The following STAM2 variants were observed in gnomAD, a reference collection of about 807,000 sequenced individuals.
The protein encoded by STAM2 is signal transducing adapter molecule 2.
Under a neutral mutation model 65.6 loss-of-function variants are expected in STAM2, and 51 were observed. The ratio of observed to expected loss-of-function variants is 0.78; its 90% CI spans 0.62 to 0.98. STAM2 has a LOEUF of 0.98. Among genes scored for constraint, STAM2 ranks in the 50% least tolerant of loss-of-function variants. STAM2 has a pLI of 0.00. For synonymous variants in STAM2, 198 were observed against 208.4 expected, an observed-to-expected ratio of 0.95 and a Z score of 0.43; for missense variants, 584 against 617.8, an observed-to-expected ratio of 0.95 and a Z score of 0.58.
At chr2:152,138,416 A>G (rs1451887684) in intron 7 of STAM2, among the ~76,000 whole-genome samples, 4 of 152,156 alleles carry the variant, frequency 2.6e-5, no homozygotes, top group Non-Finnish European at 5.9e-5. Context: ...AAAGCATACT[A>G]CTGAGTTTTG....
At chr2:152,150,042 T>C in intron 2 of STAM2, 103 bp downstream of exon 2, 1 of 767,618 alleles carries the variant, frequency 1.3e-6, no homozygotes, top group Non-Finnish European at 2.2e-6. Context: ...TGTTCAAGGG[T>C]CAACTGTGAT....
chr2:152,141,468 G>A (rs1689245759), intron 7 of STAM2, among the ~76,000 whole-genome samples: 2 of 147,834 alleles, frequency 1.4e-5, no homozygotes, highest in African/African-American at 2.5e-5. Flanking sequence ...CAGGGGGCGG[G>A]GGTTGCAGTG....
chr2:152,165,462 C>T (rs1689759716), intron 1 of STAM2, among the ~76,000 whole-genome samples: 2 of 151,870 alleles, frequency 1.3e-5, no homozygotes, highest in South Asian at 4.2e-4. Context: ...CAGCCACTAA[C>T]ATGCCAAAAA....
chr2:152,122,349 C>T (rs573362594), intron 13 of STAM2, among the ~76,000 whole-genome samples: 5 of 151,968 alleles, frequency 3.3e-5, no homozygotes, highest in East Asian at 3.9e-4. Context: ...CCCTTAAGCC[C>T]GGGAGTTGGA....
At chr2:152,138,218 C>T (rs1689189261) in intron 7 of STAM2, among the ~76,000 whole-genome samples, 1 of 152,102 alleles carries the variant, frequency 6.6e-6, no homozygotes, top group Non-Finnish European at 1.5e-5. Flanking sequence ...CCTCCATTTA[C>T]ATTTATGTAA....
In STAM2 at chr2:152,118,571, A is replaced by C. The variant is rs1439883176; in HGVS notation, c.*2003T>G. 6.6e-6 allele frequency: 1 copy of C among 151,560 alleles called. No individual in the cohort carries two copies. The highest frequency in any genetic ancestry group is 1.5e-5 in the Non-Finnish European group (1 of 67,844). The allele number at this position is 151,560 out of a possible 1,614,324, so 9.4% of individuals were successfully genotyped here. On this transcript the variant is annotated 3_prime_UTR_variant, in exon 14 of 14. Transcript: ENST00000263904. ...AAGACATGCTGAATTAAACTTTTAT[A>C]ATTGAGATCACAATTATACATGAAA...
chr2:152,145,097 G>T, intron 5 of STAM2, 140 bp from the exon 6 acceptor site: 2 of 682,410 alleles, frequency 2.9e-6, no homozygotes, highest in Non-Finnish European at 5.1e-6. Flanking sequence ...TTTGAGACAG[G>T]GTCTCATTCT....
intron 1 of STAM2, among the ~76,000 whole-genome samples, chr2:152,173,016 T>C (rs1689924465): frequency 6.6e-6 from 1 of 152,064 alleles, no homozygotes. Context: ...TTCTTGTATA[T>C]TTGTAGCACT....
intron 1 of STAM2, among the ~76,000 whole-genome samples, chr2:152,156,798 C>G (rs530468533): frequency 6.6e-6 from 1 of 152,246 alleles, no homozygotes; most frequent in South Asian, 2.1e-4. Flanking sequence ...AACAACTTAA[C>G]TACATAAAAT....
In STAM2 at chr2:152,117,814, C is replaced by T. The variant is rs1359835394; in HGVS notation, c.*2760G>A. 6.6e-6 allele frequency: 1 copy of T among 151,968 alleles called. No individual in the cohort carries two copies. Among genetic ancestry groups the T allele is most frequent in the Non-Finnish European group, 1.5e-5 (1 of 67,996 alleles). 9.4% of individuals were successfully genotyped at this position (151,968 alleles called of 1,614,324 possible). A position where few individuals can be genotyped will look rare whatever the true frequency, so the allele number is the denominator to read the frequency against. Reference sequence around the variant, plus strand: ...TTAAATTTTGAAAGTGAAATTATAACCATCTTCAAAACATACAGTAAAATG... The same window carrying T: ...TTAAATTTTGAAAGTGAAATTATAATCATCTTCAAAACATACAGTAAAATG... On this transcript the variant is annotated 3_prime_UTR_variant, in exon 14 of 14. Transcript: ENST00000263904.
chr2:152,126,792 T>G (rs1485559483), intron 11 of STAM2, among the ~76,000 whole-genome samples: 1 of 152,232 alleles, frequency 6.6e-6, no homozygotes, highest in Non-Finnish European at 1.5e-5. Flanking sequence ...AGTCTCCATT[T>G]GCAACTTTGT....
chr2:152,151,440 A>C (rs1360694182), intron 1 of STAM2, among the ~76,000 whole-genome samples: 1 of 152,006 alleles, frequency 6.6e-6, no homozygotes, highest in Non-Finnish European at 1.5e-5. Flanking sequence ...TCAGCCTCCC[A>C]AAGTGCTAGG....
chr2:152,117,868 A>G lies in STAM2; in HGVS notation c.*2706T>C, dbSNP rs1420548992. ...TACGTAGACAAGTATCAATTATTTC[A>G]AACAGCATGACAATTTAACTACAAA... is the stretch of plus-strand genomic sequence containing the variant. On this transcript the variant is annotated 3_prime_UTR_variant, in exon 14 of 14. Coordinates refer to ENST00000263904, the MANE Select transcript of STAM2 (RefSeq NM_005843.6). 1 of 152,188 alleles carries G rather than the reference A, an allele frequency of 6.6e-6. No homozygotes were observed. Among genetic ancestry groups the G allele is most frequent in the Non-Finnish European group, 1.5e-5 (1 of 67,990 alleles). The allele number at this position is 152,188 out of a possible 1,614,324, so 9.4% of individuals were successfully genotyped here. A position where few individuals can be genotyped will look rare whatever the true frequency, so the allele number is the denominator to read the frequency against.
chr2:152,135,611 T>A lies in STAM2; in HGVS notation c.705-8A>T. ...TTCCACCAATTGGCATCACTAAAAA[T>A]ACAGTGCAAAAAATATCATTTGTTC... On this transcript the variant is annotated splice_region_variant and splice_polypyrimidine_tract_variant and intron_variant, in intron 7 of 13. Transcript: ENST00000263904. 1 of 1,573,322 alleles carries A rather than the reference T, an allele frequency of 6.4e-7. No individual in the cohort carries two copies. The highest frequency in any genetic ancestry group is 1.4e-5 in the African/African-American group (1 of 73,842).
At chr2:152,129,066 A>G (rs1335196157) in intron 11 of STAM2, among the ~76,000 whole-genome samples, 3 of 152,234 alleles carry the variant, frequency 2.0e-5, no homozygotes, top group Non-Finnish European at 4.4e-5. Flanking sequence ...TGGCCTATTC[A>G]AAAACTGAAA....
At position 152,162,132 on chromosome 2, in the gene STAM2, T is replaced by C. The variant is rs549133880; in HGVS notation, c.41-11903A>G. Among the ~76,000 whole-genome samples, 136 of 152,290 alleles carry C rather than the reference T, an allele frequency of 8.9e-4. 1 individual carries two copies. The highest frequency in any genetic ancestry group is 3.0e-3 in the African/African-American group (124 of 41,580). ...ACCACTGTGCCCAGCCCAATCTGCA[T>C]GCCTTCTAAAATGAAAACCTACTTA... is the stretch of plus-strand genomic sequence containing the variant. On this transcript the variant is annotated intron_variant, in intron 1 of 13. Coordinates refer to ENST00000263904, the MANE Select transcript of STAM2 (RefSeq NM_005843.6).
At chr2:152,161,819 T>C (rs965735066) in intron 1 of STAM2, among the ~76,000 whole-genome samples, 1 of 151,404 alleles carries the variant, frequency 6.6e-6, no homozygotes, top group African/African-American at 2.4e-5. Flanking sequence ...CTGCATACCA[T>C]TTTTTTTTCT....
At chr2:152,158,918 AC>A (rs549360125) in intron 1 of STAM2, among the ~76,000 whole-genome samples, 4 of 151,260 alleles carry the variant, frequency 2.6e-5, no homozygotes, top group Non-Finnish European at 5.9e-5. Flanking sequence ...ATCCCCCAAT[AC>A]TGTTGCATTG....
At chr2:152,145,404 T>TA (rs1689319801) in intron 5 of STAM2, among the ~76,000 whole-genome samples, 1 of 151,386 alleles carries the variant, frequency 6.6e-6, no homozygotes, top group Non-Finnish European at 1.5e-5. Context: ...TTTAAATAAT[T>TA]GTTTTCAAAT....
Sources: gnomAD v4.1 joint callset for allele counts (sites outside exome capture counted in the v4.1 genomes callset) on GRCh38, gnomAD v4.1.1 for gene constraint, MANE v1.5 for transcripts, NCBI Gene and HGNC (gene_info 2026-07-23, HGNC 2026-07-21) for gene names.